SEC24D: variants seen among roughly 807,000 people sequenced by gnomAD.
SEC24D encodes the protein protein transport protein Sec24D.
Under a neutral mutation model 116.9 loss-of-function variants are expected in SEC24D, and 69 were observed. The ratio of observed to expected loss-of-function variants is 0.59; its 90% CI spans 0.49 to 0.72. The LOEUF is 0.72. Among genes scored for constraint, SEC24D ranks in the 30% least tolerant of loss-of-function variants. The pLI is 0.00. For synonymous variants in SEC24D, 405 were observed against 442.8 expected, an observed-to-expected ratio of 0.91 and a Z score of 1.07; for missense variants, 1,131 against 1,264.1, an observed-to-expected ratio of 0.89 and a Z score of 1.60.
At chr4:118,728,379 T>A (rs577302462) in intron 22 of SEC24D, among the ~76,000 whole-genome samples, 182 bp downstream of exon 22, 1 of 152,324 alleles carries the variant, frequency 6.6e-6, no homozygotes, top group Non-Finnish European at 1.5e-5. Flanking sequence ...TGTTTGTGAC[T>A]GGTAAGTAGG....
intron 8 of SEC24D, among the ~76,000 whole-genome samples, chr4:118,773,324 G>T (rs187975067): frequency 2.2e-4 from 34 of 152,252 alleles, no homozygotes; most frequent in Middle Eastern, 3.4e-3. Flanking sequence ...ACCTAAATAA[G>T]ATGAGAAGAT....
chr4:118,796,183 T>C (rs1490533731), intron 8 of SEC24D, among the ~76,000 whole-genome samples: 1 of 152,210 alleles, frequency 6.6e-6, no homozygotes, highest in African/African-American at 2.4e-5. Flanking sequence ...ATTTTCTGTA[T>C]GTTTGAAAAT....
At chr4:118,832,044 A>T (rs1962840) in intron 2 of SEC24D, among the ~76,000 whole-genome samples, 53,447 of 151,920 alleles carry the variant, frequency 0.35, 10,511 homozygotes, top group East Asian at 0.55. Flanking sequence ...CTCTACTAAA[A>T]ATACAAAAAT....
At chr4:118,783,401 T>G (rs1728518071) in intron 8 of SEC24D, among the ~76,000 whole-genome samples, 1 of 152,212 alleles carries the variant, frequency 6.6e-6, no homozygotes, top group African/African-American at 2.4e-5. Flanking sequence ...ATAACCTTCT[T>G]ACCAGGTTCA....
chr4:118,830,653 T>G (rs1425085946), intron 2 of SEC24D, among the ~76,000 whole-genome samples: 1 of 152,048 alleles, frequency 6.6e-6, no homozygotes, highest in Non-Finnish European at 1.5e-5. Flanking sequence ...AAATTTTTTT[T>G]TTTAAAAACA....
chr4:118,738,474 C>T, intron 18 of SEC24D, 95 bp from the exon 19 acceptor site: 1 of 832,664 alleles, frequency 1.2e-6, no homozygotes, highest in Admixed American at 1.9e-5. Context: ...CTATTATCTT[C>T]AGACCACCCA....
At chr4:118,799,357 G>A (rs1225383523) in intron 7 of SEC24D, among the ~76,000 whole-genome samples, 1 of 152,116 alleles carries the variant, frequency 6.6e-6, no homozygotes, top group African/African-American at 2.4e-5. Flanking sequence ...GGGTGTGCGG[G>A]TAGAGATCAG....
intron 8 of SEC24D, among the ~76,000 whole-genome samples, chr4:118,795,390 G>A (rs1236506749): frequency 1.3e-5 from 2 of 151,764 alleles, no homozygotes; most frequent in Non-Finnish European, 2.9e-5. Flanking sequence ...TGTATTTTTA[G>A]TAGAGATGGG....
chr4:118,771,174 TA>T (rs1056112214), intron 8 of SEC24D, among the ~76,000 whole-genome samples: 4 of 151,724 alleles, frequency 2.6e-5, no homozygotes, highest in Admixed American at 6.6e-5. Context: ...TGCATGGCTT[TA>T]AAAAAAAATC....
At chr4:118,833,003 C>T (rs56309519) in intron 2 of SEC24D, among the ~76,000 whole-genome samples, 6,657 of 152,262 alleles carry the variant, frequency 0.044, 201 homozygotes, top group Non-Finnish European at 0.064. Context: ...TTCTGCAGCA[C>T]ACTGTGTGTG....
At chr4:118,732,582 G>T in intron 20 of SEC24D, 151 bp downstream of exon 20, 1 of 728,608 alleles carries the variant, frequency 1.4e-6, no homozygotes, top group Non-Finnish European at 2.3e-6. Context: ...AAGAGCCCCT[G>T]CTCGAAATCC....
intron 6 of SEC24D, among the ~76,000 whole-genome samples, chr4:118,809,218 C>T (rs924042041): frequency 2.6e-5 from 4 of 151,852 alleles, no homozygotes; most frequent in Non-Finnish European, 4.4e-5. Flanking sequence ...GTGATCCGCC[C>T]GCCTCAGCCT....
chr4:118,805,473 A>G (rs1187843218), intron 7 of SEC24D, among the ~76,000 whole-genome samples: 3 of 152,204 alleles, frequency 2.0e-5, no homozygotes, highest in African/African-American at 4.8e-5. Flanking sequence ...TGGGGCTAGA[A>G]CCAGGTCTGC....
chr4:118,730,917 C>T (rs1725650340), intron 21 of SEC24D: 1 of 248,626 alleles, frequency 4.0e-6, no homozygotes, highest in Admixed American at 5.1e-5. Flanking sequence ...ATTCAGTTCC[C>T]ATCTCTGCCA....
At chr4:118,730,598 C>T (rs931169439) in intron 21 of SEC24D, 7 of 152,224 alleles carry the variant, frequency 4.6e-5, no homozygotes, top group Non-Finnish European at 2.9e-5. Context: ...AAACAATAGC[C>T]ATCGGCAGTG....
intron 3 of SEC24D, among the ~76,000 whole-genome samples, chr4:118,817,934 G>A (rs779083718): frequency 2.0e-5 from 3 of 152,110 alleles, no homozygotes; most frequent in East Asian, 1.9e-4. Context: ...CTACTTGGGC[G>A]GTTGAAGTAA....
chr4:118,742,336 C>A (rs1223983425), intron 15 of SEC24D, among the ~76,000 whole-genome samples: 1 of 150,346 alleles, frequency 6.7e-6, no homozygotes, highest in Admixed American at 6.6e-5. Context: ...TTCACATATG[C>A]CAGGAATGGA....
At chr4:118,749,552 T>C (rs1396976251) in intron 13 of SEC24D, among the ~76,000 whole-genome samples, 5 of 152,340 alleles carry the variant, frequency 3.3e-5, no homozygotes, top group African/African-American at 1.2e-4. Context: ...CTACTCCCTG[T>C]GCACAGGGGA....
chr4:118,825,230 A>G (rs1356389800), intron 2 of SEC24D, among the ~76,000 whole-genome samples: 3 of 152,178 alleles, frequency 2.0e-5, no homozygotes, highest in Admixed American at 6.5e-5. Flanking sequence ...AGTAGGGTCT[A>G]TCTTTCTAAA....
Sources: gnomAD v4.1 joint callset for allele counts (sites outside exome capture counted in the v4.1 genomes callset) on GRCh38, gnomAD v4.1.1 for gene constraint, MANE v1.5 for transcripts, NCBI Gene and HGNC (gene_info 2026-07-23, HGNC 2026-07-21) for gene names.